Variants in ROBO1 observed in about 807,000 individuals in gnomAD.
The protein encoded by ROBO1 is roundabout guidance receptor 1, also known as roundabout homolog 1.
ROBO1 carries 149 observed loss-of-function variants against 195.9 expected under a neutral mutation model. That is an observed-to-expected ratio of 0.76 (90% CI 0.67 to 0.87). The LOEUF (loss-of-function observed/expected upper bound fraction) is 0.87. Ranked by LOEUF, ROBO1 falls within the 40% of genes least tolerant of loss-of-function variation. The probability of loss-of-function intolerance (pLI) is 0.00; values close to 1 mark genes in which losing one functional copy is unlikely to be tolerated. For synonymous variants in ROBO1, 816 were observed against 733.2 expected, an observed-to-expected ratio of 1.11 and a Z score of -1.82; for missense variants, 1,933 against 2,068.3, an observed-to-expected ratio of 0.93 and a Z score of 1.27.
At chr3:78,764,431 T>C (rs2083179322) in intron 4 of ROBO1, among the ~76,000 whole-genome samples, 1 of 152,122 alleles carries the variant, frequency 6.6e-6, no homozygotes, top group Non-Finnish European at 1.5e-5. Flanking sequence ...CAGCATTTTA[T>C]TAAAACAATT....
chr3:78,625,859 T>C (rs1704736178), intron 26 of ROBO1, among the ~76,000 whole-genome samples: 1 of 150,252 alleles, frequency 6.7e-6, no homozygotes, highest in Admixed American at 6.6e-5. Context: ...GCAGAAGGAG[T>C]TCAACAAAAT....
intron 3 of ROBO1, among the ~76,000 whole-genome samples, chr3:79,098,967 A>T (rs1386019028): frequency 6.6e-6 from 1 of 151,674 alleles, no homozygotes; most frequent in Non-Finnish European, 1.5e-5. Flanking sequence ...AATGTATTAT[A>T]TTTTCTCTCC....
chr3:78,934,185 AAAC>A (rs1477123872), intron 4 of ROBO1, among the ~76,000 whole-genome samples: 13 of 151,998 alleles, frequency 8.6e-5, no homozygotes, highest in Non-Finnish European at 1.9e-4. Context: ...GCAATAGCAA[AAAC>A]AATTGAGACT....
intron 4 of ROBO1, among the ~76,000 whole-genome samples, chr3:78,779,517 C>G (rs1015210449): frequency 1.3e-5 from 2 of 152,194 alleles, no homozygotes; most frequent in Admixed American, 6.5e-5. Flanking sequence ...AGCTCACCAT[C>G]ACTGGCCATT....
At chr3:79,335,957 G>C (rs992922868) in intron 2 of ROBO1, among the ~76,000 whole-genome samples, 1 of 152,178 alleles carries the variant, frequency 6.6e-6, no homozygotes, top group African/African-American at 2.4e-5. Flanking sequence ...TGGAAAAAAG[G>C]TGACCCTTGC....
intron 1 of ROBO1, among the ~76,000 whole-genome samples, chr3:79,731,875 T>TA (rs928575965): frequency 2.0e-5 from 3 of 152,268 alleles, no homozygotes; most frequent in Admixed American, 6.5e-5. Flanking sequence ...AAGTTTTTTT[T>TA]ATCATAGGAA....
At chr3:78,699,157 G>A (rs894615275) in intron 8 of ROBO1, among the ~76,000 whole-genome samples, 2 of 151,870 alleles carry the variant, frequency 1.3e-5, no homozygotes, top group African/African-American at 2.4e-5. Context: ...TCTCTTTATT[G>A]CCACCATTCT....
intron 4 of ROBO1, among the ~76,000 whole-genome samples, chr3:78,893,096 C>G (rs1362938890): frequency 1.3e-5 from 2 of 152,182 alleles, no homozygotes; most frequent in African/African-American, 2.4e-5. Context: ...TTCTTGACAT[C>G]TCAAGATAAA....
intron 1 of ROBO1, among the ~76,000 whole-genome samples, chr3:79,735,685 A>C (rs1476003074): frequency 6.6e-6 from 1 of 152,180 alleles, no homozygotes; most frequent in Admixed American, 6.5e-5. Context: ...CCTGGCTAAC[A>C]GGGTGAAACC....
rs939279435 is a variant in ROBO1 at position 78,670,523 on chromosome 3, T to C, written c.1343-222A>G. On this transcript the variant is annotated intron_variant, in intron 10 of 30. Coordinates refer to ENST00000464233, the MANE Select transcript of ROBO1 (RefSeq NM_002941.4). ...TACTTTCAAATGACCAGCCACTCAC[T>C]GAGCTGGCTGCATCGTCAAGAGGCC... is the stretch of plus-strand genomic sequence containing the variant. 5.7e-6 allele frequency: 3 copies of C among 526,250 alleles called. No homozygotes were observed. The Admixed American group carries it at 1.0e-4, about 18-fold the overall frequency. 32.6% of individuals were successfully genotyped at this position (526,250 alleles called of 1,614,324 possible).
intron 2 of ROBO1, among the ~76,000 whole-genome samples, chr3:79,428,458 A>C (rs1450055474): frequency 1.3e-5 from 2 of 152,138 alleles, no homozygotes; most frequent in Non-Finnish European, 2.9e-5. Context: ...TATAGTTATC[A>C]TTTCAATTAT....
intron 4 of ROBO1, among the ~76,000 whole-genome samples, chr3:78,881,171 T>G (rs1473056796): frequency 6.6e-6 from 1 of 152,188 alleles, no homozygotes; most frequent in Admixed American, 6.6e-5. Context: ...GAGTTTTATT[T>G]GTTTCTCTAA....
At chr3:78,787,398 A>G (rs2083869059) in intron 4 of ROBO1, among the ~76,000 whole-genome samples, 1 of 152,208 alleles carries the variant, frequency 6.6e-6, no homozygotes, top group South Asian at 2.1e-4. Context: ...TATGTTTTTG[A>G]AGCAAATCAG....
intron 4 of ROBO1, among the ~76,000 whole-genome samples, chr3:78,784,014 T>C (rs988353962): frequency 6.6e-6 from 1 of 152,040 alleles, no homozygotes; most frequent in African/African-American, 2.4e-5. Context: ...AAGGTAAAAG[T>C]GATTGTTAGG....
chr3:78,638,744 C>T (rs1002805991), intron 22 of ROBO1, among the ~76,000 whole-genome samples: 10 of 152,022 alleles, frequency 6.6e-5, no homozygotes, highest in African/African-American at 1.2e-4. Flanking sequence ...CATGGTGGTG[C>T]GTGCCTGTGA....
chr3:78,886,932 C>A lies in ROBO1; in HGVS notation c.499+51669G>T, dbSNP rs528928282. The stretch of plus-strand genomic sequence containing the variant: ...TGGTAATATCCTGCTTATTATTCTG[C>A]ATACTAGTTACATAAATGTGCCTAA... On this transcript the variant is annotated intron_variant, in intron 4 of 30. Transcript: ENST00000464233. 1.5e-3 allele frequency among the ~76,000 whole-genome samples: 232 copies of A among 152,154 alleles called. 2 individuals carry two copies. The highest frequency in any genetic ancestry group is 6.8e-3 in the Middle Eastern group (2 of 294).
At chr3:79,600,384 G>C (rs1274608568) in intron 1 of ROBO1, among the ~76,000 whole-genome samples, 1 of 151,984 alleles carries the variant, frequency 6.6e-6, no homozygotes, top group African/African-American at 2.4e-5. Flanking sequence ...AAGCTGGTCT[G>C]TCTTGACACA....
chr3:78,708,210 C>T (rs942924851), intron 8 of ROBO1, among the ~76,000 whole-genome samples: 1 of 152,076 alleles, frequency 6.6e-6, no homozygotes, highest in Non-Finnish European at 1.5e-5. Context: ...AGGCTGAGGA[C>T]AAACTCAGAA....
chr3:79,528,125 T>C (rs938298438), intron 2 of ROBO1, among the ~76,000 whole-genome samples: 1 of 152,172 alleles, frequency 6.6e-6, no homozygotes, highest in Non-Finnish European at 1.5e-5. Context: ...CAATTACTTA[T>C]ATCTTAGAGC....
Sources: allele counts gnomAD v4.1 joint callset (sites outside exome capture counted in the v4.1 genomes callset), GRCh38; gene constraint gnomAD v4.1.1; transcripts MANE v1.5; gene names NCBI Gene and HGNC (gene_info 2026-07-23, HGNC 2026-07-21).